LRRC52: variants seen among roughly 807,000 people sequenced by gnomAD.
The protein encoded by LRRC52 is leucine-rich repeat-containing protein 52.
A neutral mutation model predicts 14.7 loss-of-function variants in LRRC52; 15 were observed. The ratio of observed to expected loss-of-function variants is 1.02; its 90% CI spans 0.68 to 1.58. LRRC52 has a LOEUF of 1.58. Ranked by LOEUF, LRRC52 falls within the 40% of genes most tolerant of loss-of-function variation. The pLI is 0.00. For synonymous variants in LRRC52, 180 were observed against 163.9 expected, an observed-to-expected ratio of 1.10 and a Z score of -0.75; for missense variants, 400 against 387.7, an observed-to-expected ratio of 1.03 and a Z score of -0.27.
At chr1:165,547,371 G>A (rs565440194) in intron 1 of LRRC52, among the ~76,000 whole-genome samples, 18 of 152,170 alleles carry the variant, frequency 1.2e-4, no homozygotes, top group South Asian at 2.1e-4. Flanking sequence ...TCTGGCTGCC[G>A]CTTGGAACTG....
chr1:165,544,203 G>GCCCCC lies in LRRC52; in HGVS notation c.-90_-89insCCCCC. The GCCCCC allele has an allele frequency of 3.0e-6, 3 of 1,001,740 alleles. No individual in the cohort carries two copies. The highest frequency in any genetic ancestry group is 3.2e-5 in the East Asian group (1 of 31,156). The allele number at this position is 1,001,740 out of a possible 1,614,324, so 62.1% of individuals were successfully genotyped here. On this transcript the variant is annotated 5_prime_UTR_variant, in exon 1 of 2. Transcript: ENST00000294818. ...CTAAAGTGTTACAGTTCTTTCCAGA[G>GCCCCC]CCCCTCCCCCGCCCCACCCCCCCAC...
chr1:165,555,391 G>A (rs1205924896), intron 1 of LRRC52, among the ~76,000 whole-genome samples: 1 of 152,182 alleles, frequency 6.6e-6, no homozygotes, highest in African/African-American at 2.4e-5. Context: ...TATGGCTGGA[G>A]CAGAGTGAAG....
At chr1:165,559,207 G>A (rs1027062780) in intron 1 of LRRC52, among the ~76,000 whole-genome samples, 1 of 152,110 alleles carries the variant, frequency 6.6e-6, no homozygotes, top group Non-Finnish European at 1.5e-5. Flanking sequence ...TGGCCAACAT[G>A]GTGAAATCCC....
chr1:165,546,232 TAA>T (rs5778457), intron 1 of LRRC52, among the ~76,000 whole-genome samples: 141,404 of 152,090 alleles, frequency 0.93, 66,054 homozygotes, highest in East Asian at 1. Context: ...GCACTGAGAA[TAA>T]GACATTGTGA....
At chr1:165,557,100 C>T (rs1011062842) in intron 1 of LRRC52, among the ~76,000 whole-genome samples, 3 of 152,210 alleles carry the variant, frequency 2.0e-5, no homozygotes, top group Non-Finnish European at 2.9e-5. Flanking sequence ...AGGGTCTCTG[C>T]TCTCAAACAG....
rs148299176 is a variant in LRRC52, at chr1:165,551,979, GAA to G, written c.622+7076_622+7077del. 3.0e-3 allele frequency among the ~76,000 whole-genome samples: 356 copies of G among 120,340 alleles called. 6 individuals are homozygous for G. In the East Asian group the frequency reaches 0.061, roughly 20 times the overall value. 78.9% of individuals were successfully genotyped at this position (120,340 alleles called of 152,430 possible). A position where few individuals can be genotyped will look rare whatever the true frequency, so the allele number is the denominator to read the frequency against. Reference sequence around the variant, plus strand: ...AAAATAAAGACCAAAGGCTAAAAAAGAAAAAAAAAAAAAAAAGGCTGGGCAAC... The same window carrying G: ...AAAATAAAGACCAAAGGCTAAAAAAGAAAAAAAAAAAAAAGGCTGGGCAAC... On this transcript the variant is annotated intron_variant, in intron 1 of 1. Transcript: ENST00000294818.
chr1:165,557,452 T>A (rs12131212), intron 1 of LRRC52, among the ~76,000 whole-genome samples: 70,757 of 152,116 alleles, frequency 0.47, 20,323 homozygotes, highest in East Asian at 0.71. Flanking sequence ...TCAGGGACAG[T>A]GAGCCCAAGG....
intron 1 of LRRC52, among the ~76,000 whole-genome samples, chr1:165,553,231 T>C (rs1358034318): frequency 6.6e-6 from 1 of 152,198 alleles, no homozygotes; most frequent in East Asian, 1.9e-4. Flanking sequence ...GCAACTCATG[T>C]AGGACAGCAG....
chr1:165,550,204 G>A (rs1048152447), intron 1 of LRRC52, among the ~76,000 whole-genome samples: 1 of 152,194 alleles, frequency 6.6e-6, no homozygotes, highest in African/African-American at 2.4e-5. Flanking sequence ...TCCCTCAGGG[G>A]ACAGGGTTGA....
chr1:165,544,997 AT>A, intron 1 of LRRC52, 79 bp downstream of exon 1: 1 of 1,548,916 alleles, frequency 6.5e-7, no homozygotes, highest in South Asian at 1.2e-5. Context: ...GATGGTCAGA[AT>A]GGGAGAAAAA....
At chr1:165,554,215 T>C (rs1359633844) in intron 1 of LRRC52, among the ~76,000 whole-genome samples, 2 of 152,160 alleles carry the variant, frequency 1.3e-5, no homozygotes, top group East Asian at 3.8e-4. Flanking sequence ...GTCGTTGTTG[T>C]TACAAATTCT....
chr1:165,558,124 C>T (rs898860056), intron 1 of LRRC52, among the ~76,000 whole-genome samples: 3 of 152,330 alleles, frequency 2.0e-5, no homozygotes, highest in East Asian at 1.9e-4. Flanking sequence ...ACCCAGACAC[C>T]GTAGTTCTTC....
chr1:165,561,039 G>A (rs1303104690), intron 1 of LRRC52, among the ~76,000 whole-genome samples: 1 of 152,128 alleles, frequency 6.6e-6, no homozygotes, highest in African/African-American at 2.4e-5. Flanking sequence ...GAGATAGGGA[G>A]CCCGGGAGGG....
At chr1:165,548,749 C>T (rs983805052) in intron 1 of LRRC52, among the ~76,000 whole-genome samples, 1 of 152,116 alleles carries the variant, frequency 6.6e-6, no homozygotes, top group Non-Finnish European at 1.5e-5. Context: ...CTAGGGCTGT[C>T]ATAAAATGAA....
At chr1:165,562,580 G>A (rs1355185065) in intron 1 of LRRC52, among the ~76,000 whole-genome samples, 1 of 152,204 alleles carries the variant, frequency 6.6e-6, no homozygotes, top group Non-Finnish European at 1.5e-5. Flanking sequence ...GTAAGATGAG[G>A]AAACGGAATT....
In LRRC52 at chr1:165,544,090, G is replaced by A. The variant is rs1205510232; in HGVS notation, c.-207G>A. The A allele has an allele frequency of 4.8e-6, 3 of 631,152 alleles. No individual in the cohort carries two copies. Among genetic ancestry groups the A allele is most frequent in the Non-Finnish European group, 8.1e-6 (3 of 369,994 alleles). 39.1% of individuals were successfully genotyped at this position (631,152 alleles called of 1,614,324 possible). A position where few individuals can be genotyped will look rare whatever the true frequency, so the allele number is the denominator to read the frequency against. ...AGCAGCAGTCTGGGAGCGAGCGACA[G>A]AGCCACCAAGCTGGGCGGCAGGGCA... On this transcript the variant is annotated 5_prime_UTR_variant, in exon 1 of 2. Coordinates refer to ENST00000294818, the MANE Select transcript of LRRC52 (RefSeq NM_001005214.4).
At chr1:165,546,810 T>G (rs1661029798) in intron 1 of LRRC52, among the ~76,000 whole-genome samples, 1 of 152,148 alleles carries the variant, frequency 6.6e-6, no homozygotes, top group African/African-American at 2.4e-5. Context: ...TTGGACTCCT[T>G]GACTCTTCAG....
intron 1 of LRRC52, among the ~76,000 whole-genome samples, chr1:165,555,886 G>A (rs1054899196): frequency 6.6e-6 from 1 of 152,220 alleles, no homozygotes; most frequent in African/African-American, 2.4e-5. Flanking sequence ...GGATTTTTCT[G>A]AGCAGATGGG....
chr1:165,554,476 C>T (rs535649942), intron 1 of LRRC52, among the ~76,000 whole-genome samples: 115 of 151,418 alleles, frequency 7.6e-4, no homozygotes, highest in Middle Eastern at 3.4e-3. Flanking sequence ...ACTCTTGCTG[C>T]TCTGTTGCCC....
Sources: allele counts gnomAD v4.1 joint callset (sites outside exome capture counted in the v4.1 genomes callset), GRCh38; gene constraint gnomAD v4.1.1; transcripts MANE v1.5; gene names NCBI Gene and HGNC (gene_info 2026-07-23, HGNC 2026-07-21).